The following ABCC1 variants were observed in gnomAD, a reference collection of about 807,000 sequenced individuals.
The protein encoded by ABCC1 is multidrug resistance-associated protein 1.
Under a neutral mutation model 172.9 loss-of-function variants are expected in ABCC1, and 83 were observed. The observed-to-expected ratio is 0.48, with a 90% CI of 0.40 to 0.58. The LOEUF (loss-of-function observed/expected upper bound fraction) is 0.58, where lower values mean the gene tolerates loss of function less well. Among genes scored for constraint, ABCC1 ranks in the 20% least tolerant of loss-of-function variants. The probability of loss-of-function intolerance (pLI) is 0.00; values close to 1 mark genes in which losing one functional copy is unlikely to be tolerated. For missense variants in ABCC1, 1,817 were observed against 2,002.7 expected, an observed-to-expected ratio of 0.91 and a Z score of 1.77; for synonymous variants, 937 against 825.2, an observed-to-expected ratio of 1.14 and a Z score of -2.32.
intron 16 of ABCC1, among the ~76,000 whole-genome samples, chr16:16,080,879 G>GTTTTT (rs3072717): frequency 1.3e-5 from 2 of 151,690 alleles, no homozygotes; most frequent in African/African-American, 2.4e-5. Flanking sequence ...GTTGTTGTGG[G>GTTTTT]TTTTGAGACA....
At chr16:16,141,105 A>C in intron 30 of ABCC1, 68 bp from the exon 31 acceptor site, 1 of 1,409,724 alleles carries the variant, frequency 7.1e-7, no homozygotes, top group Non-Finnish European at 1.0e-6. Flanking sequence ...TGCCCAGGTC[A>C]GTTGTCCCAG....
intron 26 of ABCC1, 107 bp downstream of exon 26, chr16:16,126,018 A>C (rs1357854534): frequency 1.4e-6 from 1 of 715,384 alleles, no homozygotes; most frequent in African/African-American, 1.8e-5. Context: ...TGGATACCTC[A>C]CCAGGTAGAA....
At chr16:16,124,298 T>C (rs923384757) in intron 24 of ABCC1, among the ~76,000 whole-genome samples, 6 of 148,558 alleles carry the variant, frequency 4.0e-5, no homozygotes, top group Admixed American at 2.0e-4. Flanking sequence ...GGACATCTTT[T>C]TGTTGTTGTT....
intron 1 of ABCC1, among the ~76,000 whole-genome samples, chr16:15,982,451 T>G (rs1191632976): frequency 2.6e-5 from 4 of 151,994 alleles, no homozygotes; most frequent in African/African-American, 7.3e-5. Flanking sequence ...CAAAAGTGCT[T>G]CTTTTGCTGA....
chr16:16,068,832 CA>C (rs545154250), intron 13 of ABCC1, among the ~76,000 whole-genome samples: 141 of 151,732 alleles, frequency 9.3e-4, no homozygotes, highest in African/African-American at 3.2e-3. Context: ...ACTAAAAATA[CA>C]AAAATTAGCC....
intron 20 of ABCC1, among the ~76,000 whole-genome samples, chr16:16,104,671 C>A (rs2051982118): frequency 6.6e-6 from 1 of 152,224 alleles, no homozygotes; most frequent in Admixed American, 6.5e-5. Context: ...TGCGCCCTCA[C>A]TCCTCAGCCC....
At chr16:16,061,772 CTT>C (rs201926082) in intron 12 of ABCC1, among the ~76,000 whole-genome samples, 4,891 of 116,134 alleles carry the variant, frequency 0.042, 88 homozygotes, top group East Asian at 0.15. Flanking sequence ...TTCTTTTTTT[CTT>C]TTTTTTTTTT....
Position 16,106,811 on chromosome 16 carries a change from G to A in ABCC1, c.2809G>A (p.Ala937Thr), listed in dbSNP as rs1332083957. The change falls in exon 21 of 31, where the codon GCT becomes ACT. Residue 937 changes from alanine (A) to threonine (T), a missense_variant. Ala to Thr is a moderately conservative substitution (Grantham distance 58). Coordinates refer to ENST00000399410, the MANE Select transcript of ABCC1 (RefSeq NM_004996.4). Reference sequence around the variant, plus strand: ...CAACAGCACCGCAGAACTGCAGAAAGCTGAGGCCAAGAAGGAGGAGACCTG... The same window carrying A: ...CAACAGCACCGCAGAACTGCAGAAAACTGAGGCCAAGAAGGAGGAGACCTG... ...HHNSTAELQK[A>T]EAKKEETWKL... is the part of the protein sequence containing the mutation. 3.1e-6 allele frequency: 5 copies of A among 1,614,044 alleles called. No individual in the cohort carries two copies. In the East Asian group the frequency reaches 1.1e-4, roughly 36 times the overall value.
chr16:16,036,004 G>A (rs890447100), intron 6 of ABCC1, among the ~76,000 whole-genome samples: 1 of 151,664 alleles, frequency 6.6e-6, no homozygotes, highest in African/African-American at 2.4e-5. Flanking sequence ...TACACCCAAA[G>A]TCCCAGCTAC....
At chr16:16,111,875 C>T (rs554891101) in intron 22 of ABCC1, among the ~76,000 whole-genome samples, 2 of 152,222 alleles carry the variant, frequency 1.3e-5, no homozygotes, top group African/African-American at 4.8e-5. Context: ...GTTGGGAGGA[C>T]CCCCTTGAGC....
intron 1 of ABCC1, among the ~76,000 whole-genome samples, chr16:15,976,616 T>C (rs1490231646): frequency 6.6e-6 from 1 of 152,122 alleles, no homozygotes; most frequent in Non-Finnish European, 1.5e-5. Context: ...TGGCTAATCT[T>C]GGAGGCTGGA....
chr16:16,137,545 C>CTTTTT (rs151237296), intron 29 of ABCC1, among the ~76,000 whole-genome samples: 7 of 56,682 alleles, frequency 1.2e-4, no homozygotes, highest in South Asian at 1.2e-3. Context: ...GGTATGAGGC[C>CTTTTT]TTTTTTTTTT....
Position 15,975,373 on chromosome 16 carries a change from C to A in ABCC1, c.48+25574C>A, listed in dbSNP as rs370314975. Among the ~76,000 whole-genome samples the A allele has an allele frequency of 1.9e-3, 283 of 152,220 alleles. 3 individuals are homozygous for A. In the Middle Eastern group the frequency reaches 0.024, roughly 13 times the overall value. On this transcript the variant is annotated intron_variant, in intron 1 of 30. Transcript: ENST00000399410. Reference sequence around the variant, plus strand: ...TTTTTGCTGTTGTGAAATGGCCCAGCTTGTACACGTTGTTCCTTTTCTTGC... The same window carrying A: ...TTTTTGCTGTTGTGAAATGGCCCAGATTGTACACGTTGTTCCTTTTCTTGC...
chr16:15,999,222 G>A (rs1169939433), intron 1 of ABCC1, among the ~76,000 whole-genome samples: 2 of 151,942 alleles, frequency 1.3e-5, no homozygotes, highest in African/African-American at 2.4e-5. Flanking sequence ...AGCCAGGATG[G>A]TCTCCATCTC....
At chr16:15,978,048 A>G (rs2046531605) in intron 1 of ABCC1, among the ~76,000 whole-genome samples, 1 of 151,736 alleles carries the variant, frequency 6.6e-6, no homozygotes, top group Admixed American at 6.6e-5. Context: ...AATAATATAT[A>G]AGTCTCGTCT....
chr16:16,090,943 G>A (rs766249356), intron 19 of ABCC1, among the ~76,000 whole-genome samples: 3 of 152,064 alleles, frequency 2.0e-5, no homozygotes, highest in Non-Finnish European at 2.9e-5. Flanking sequence ...CCTGGCTCTC[G>A]GGGCTGAGAG....
intron 13 of ABCC1, among the ~76,000 whole-genome samples, chr16:16,070,282 C>T (rs917887025): frequency 3.3e-5 from 5 of 151,940 alleles, no homozygotes; most frequent in Admixed American, 6.6e-5. Context: ...GCAGAAGGAT[C>T]GCTTGAGCCT....
chr16:15,971,928 G>T (rs981159197), intron 1 of ABCC1, among the ~76,000 whole-genome samples: 1 of 152,012 alleles, frequency 6.6e-6, no homozygotes, highest in Non-Finnish European at 1.5e-5. Context: ...AAGGAAGAAG[G>T]TCCCCTGTAC....
chr16:16,098,802 T>A lies in ABCC1; in HGVS notation c.2645-3825T>A. On this transcript the variant is annotated intron_variant, in intron 19 of 30. Transcript: ENST00000399410. Reference sequence around the variant, plus strand: ...AAAAGACACTCCCTTCACTCCTTTATTTAGATAGGGGCTTAGGGCGGGAGT... The same window carrying A: ...AAAAGACACTCCCTTCACTCCTTTAATTAGATAGGGGCTTAGGGCGGGAGT... 5 of 1,302,108 alleles carry A rather than the reference T, an allele frequency of 3.8e-6. No homozygotes were observed. In the South Asian group the frequency reaches 5.8e-5, roughly 15 times the overall value. The allele number at this position is 1,302,108 out of a possible 1,614,324, so 80.7% of individuals were successfully genotyped here.
Sources: allele counts gnomAD v4.1 joint callset (sites outside exome capture counted in the v4.1 genomes callset), GRCh38; gene constraint gnomAD v4.1.1; transcripts MANE v1.5; gene names NCBI Gene and HGNC (gene_info 2026-07-23, HGNC 2026-07-21).